The following ADAMTSL3 variants were observed in gnomAD, a reference collection of about 807,000 sequenced individuals.
ADAMTSL3 encodes ADAMTS-like protein 3.
ADAMTSL3 carries 128 observed loss-of-function variants against 201.7 expected under a neutral mutation model. The observed-to-expected ratio is 0.63, with a 90% CI of 0.55 to 0.73. The LOEUF is 0.73. ADAMTSL3 is among the 30% of genes least tolerant of loss of function. The pLI is 0.00. For synonymous variants in ADAMTSL3, 738 were observed against 748.4 expected (o/e 0.99, Z 0.23); for missense variants, 1,990 against 2,119.6 (o/e 0.94, Z 1.20).
At chr15:83,831,262 G>A (rs1035823847) in intron 6 of ADAMTSL3, among the ~76,000 whole-genome samples, 1 of 152,094 alleles carries the variant, frequency 6.6e-6, no homozygotes, top group Non-Finnish European at 1.5e-5. Context: ...ACATTCACAG[G>A]ATCTGGGTGC....
intron 7 of ADAMTSL3, among the ~76,000 whole-genome samples, chr15:83,857,336 T>C (rs6602998): frequency 1 from 151,607 of 152,278 alleles, 75,472 homozygotes; most frequent in East Asian, 1. Flanking sequence ...CAAATTTAGT[T>C]TTTTTTCATG....
intron 6 of ADAMTSL3, among the ~76,000 whole-genome samples, chr15:83,829,488 C>T (rs1254103463): frequency 6.6e-6 from 1 of 152,092 alleles, no homozygotes; most frequent in Non-Finnish European, 1.5e-5. Flanking sequence ...CTCCTGGATT[C>T]TTTGATTTTT....
At chr15:83,973,638 T>C (rs1467419670) in intron 20 of ADAMTSL3, among the ~76,000 whole-genome samples, 2 of 152,218 alleles carry the variant, frequency 1.3e-5, no homozygotes, top group Non-Finnish European at 2.9e-5. Context: ...AACTATTTCC[T>C]AACTACTGTA....
At chr15:83,853,965 C>T (rs2064677948) in intron 7 of ADAMTSL3, among the ~76,000 whole-genome samples, 1 of 151,780 alleles carries the variant, frequency 6.6e-6, no homozygotes, top group South Asian at 2.1e-4. Context: ...TCTAATTCCT[C>T]CATCCAACTA....
At chr15:83,667,699 A>G (rs1334582928) in intron 2 of ADAMTSL3, among the ~76,000 whole-genome samples, 13 of 152,060 alleles carry the variant, frequency 8.5e-5, no homozygotes, top group Admixed American at 7.9e-4. Flanking sequence ...TGGAAAAAGC[A>G]GGTATTGTCC....
chr15:83,841,696 A>G (rs1434406449), intron 7 of ADAMTSL3, among the ~76,000 whole-genome samples: 2 of 152,102 alleles, frequency 1.3e-5, no homozygotes, highest in Non-Finnish European at 2.9e-5. Flanking sequence ...GTTCCTGGCT[A>G]GGGCTCCGCC....
At chr15:83,839,978 G>A (rs1484236504) in intron 7 of ADAMTSL3, among the ~76,000 whole-genome samples, 1 of 152,110 alleles carries the variant, frequency 6.6e-6, no homozygotes, top group Non-Finnish European at 1.5e-5. Flanking sequence ...TGGTTGGAGG[G>A]TTTATCTGAA....
chr15:83,716,827 T>C (rs948100099), intron 3 of ADAMTSL3, among the ~76,000 whole-genome samples: 12 of 152,186 alleles, frequency 7.9e-5, no homozygotes, highest in African/African-American at 2.4e-4. Flanking sequence ...ATAGTATTCC[T>C]AGTCCATTTG....
At chr15:83,908,871 G>GT (rs2065886318) in intron 15 of ADAMTSL3, among the ~76,000 whole-genome samples, 1 of 152,196 alleles carries the variant, frequency 6.6e-6, no homozygotes, top group African/African-American at 2.4e-5. Flanking sequence ...CAGGATCAAG[G>GT]TGTCTGTCAG....
intron 25 of ADAMTSL3, among the ~76,000 whole-genome samples, chr15:84,017,725 T>G (rs1201150169): frequency 6.6e-6 from 1 of 152,204 alleles, no homozygotes; most frequent in African/African-American, 2.4e-5. Flanking sequence ...AACATAATAC[T>G]AACATTATTG....
At chr15:84,013,182 T>C (rs2141890390) in intron 23 of ADAMTSL3, among the ~76,000 whole-genome samples, 1 of 152,306 alleles carries the variant, frequency 6.6e-6, no homozygotes, top group East Asian at 1.9e-4. Flanking sequence ...ATAATCAGCT[T>C]GATGTAATGG....
chr15:83,844,392 A>G (rs766112467), intron 7 of ADAMTSL3, among the ~76,000 whole-genome samples: 8 of 152,308 alleles, frequency 5.3e-5, no homozygotes, highest in Non-Finnish European at 8.8e-5. Flanking sequence ...CCCAAAAACC[A>G]TTTACAAATT....
chr15:83,946,479 A>G (rs886504695), intron 19 of ADAMTSL3, among the ~76,000 whole-genome samples: 2 of 152,166 alleles, frequency 1.3e-5, no homozygotes, highest in Non-Finnish European at 2.9e-5. Flanking sequence ...CTGTTTTGCA[A>G]TGGTAGCTAT....
chr15:83,988,986 A>T (rs1471690355), intron 22 of ADAMTSL3, among the ~76,000 whole-genome samples, 168 bp downstream of exon 22: 2 of 151,024 alleles, frequency 1.3e-5, no homozygotes, highest in African/African-American at 4.9e-5. Context: ...GGTTCACGCC[A>T]TTCTCCAGCC....
intron 2 of ADAMTSL3, among the ~76,000 whole-genome samples, chr15:83,695,558 C>G (rs2061676810): frequency 6.6e-6 from 1 of 151,938 alleles, no homozygotes; most frequent in African/African-American, 2.4e-5. Context: ...AGCTGAAGTT[C>G]AAAACTACAT....
At chr15:83,666,702 G>A (rs373230929) in intron 2 of ADAMTSL3, among the ~76,000 whole-genome samples, 6 of 152,160 alleles carry the variant, frequency 3.9e-5, no homozygotes, top group South Asian at 2.1e-4. Flanking sequence ...TTATCTGGGC[G>A]TGGTGGTGTG....
intron 13 of ADAMTSL3, among the ~76,000 whole-genome samples, chr15:83,894,282 T>G (rs17158538): frequency 0.028 from 4,311 of 152,262 alleles, 187 homozygotes; most frequent in African/African-American, 0.1. Context: ...TTATTCAAAC[T>G]TGCTGGGGAA....
intron 17 of ADAMTSL3, among the ~76,000 whole-genome samples, chr15:83,937,346 G>A (rs1281702160): frequency 1.3e-5 from 2 of 150,874 alleles, no homozygotes; most frequent in Non-Finnish European, 2.9e-5. Context: ...GAATGAGATC[G>A]TGTCCTTTGC....
intron 2 of ADAMTSL3, among the ~76,000 whole-genome samples, chr15:83,703,120 C>G (rs1014204341): frequency 6.6e-6 from 1 of 152,138 alleles, no homozygotes; most frequent in Non-Finnish European, 1.5e-5. Flanking sequence ...TTTGGACTTG[C>G]ATGTGCCCTG....
Sources: allele counts gnomAD v4.1 joint callset (sites outside exome capture counted in the v4.1 genomes callset), GRCh38; gene constraint gnomAD v4.1.1; transcripts MANE v1.5; gene names NCBI Gene and HGNC (gene_info 2026-07-23, HGNC 2026-07-21).